SDK1: variants seen among roughly 807,000 people sequenced by gnomAD.
SDK1 encodes the protein protein sidekick-1.
A neutral mutation model predicts 245.5 loss-of-function variants in SDK1; 157 were observed. The observed-to-expected ratio is 0.64, with a 90% CI of 0.56 to 0.73. SDK1 has a LOEUF of 0.73. SDK1 is among the 30% of genes least tolerant of loss of function. The pLI is 0.00. For missense variants in SDK1, 3,583 were observed against 3,002.3 expected, an observed-to-expected ratio of 1.19 and a Z score of -4.52; for synonymous variants, 1,647 against 1,278.5, an observed-to-expected ratio of 1.29 and a Z score of -6.15.
intron 1 of SDK1, among the ~76,000 whole-genome samples, chr7:3,519,359 A>G (rs1428527737): frequency 6.6e-6 from 1 of 152,158 alleles, no homozygotes; most frequent in Non-Finnish European, 1.5e-5. Flanking sequence ...ATATATTGTA[A>G]TGTATCAAAA....
At chr7:4,030,678 A>G (rs1787741309) in intron 17 of SDK1, among the ~76,000 whole-genome samples, 1 of 152,210 alleles carries the variant, frequency 6.6e-6, no homozygotes, top group African/African-American at 2.4e-5. Flanking sequence ...TTTTAATTTC[A>G]TATAACAAAA....
chr7:3,849,456 C>T lies in SDK1; in HGVS notation c.847+27873C>T, dbSNP rs142042728. ...ATGGCAAGAAATTAGACTTCCTGGA[C>T]ATTTGTGGGAACATGGATTTATTAG... On this transcript the variant is annotated intron_variant, in intron 5 of 44. Transcript: ENST00000404826. Among the ~76,000 whole-genome samples, 15 of 152,260 alleles carry T rather than the reference C, an allele frequency of 9.9e-5. No homozygotes were observed. In the East Asian group the frequency reaches 2.9e-3, roughly 29 times the overall value.
chr7:3,614,439 C>A (rs1355276008), intron 1 of SDK1, among the ~76,000 whole-genome samples: 1 of 152,136 alleles, frequency 6.6e-6, no homozygotes, highest in Non-Finnish European at 1.5e-5. Flanking sequence ...ATATGTGGGC[C>A]ATTGGCTTTT....
chr7:3,346,363 T>C (rs573160304), intron 1 of SDK1, among the ~76,000 whole-genome samples: 11 of 152,258 alleles, frequency 7.2e-5, no homozygotes, highest in African/African-American at 2.2e-4. Flanking sequence ...AGGCTGTTCA[T>C]CTAGCTTCAC....
chr7:3,898,206 G>A (rs969845735), intron 5 of SDK1, among the ~76,000 whole-genome samples: 1 of 152,180 alleles, frequency 6.6e-6, no homozygotes, highest in Non-Finnish European at 1.5e-5. Context: ...GGTTATTTTT[G>A]GTTAGGGAGA....
At chr7:3,662,066 G>A (rs1583283466) in intron 4 of SDK1, among the ~76,000 whole-genome samples, 1 of 104,972 alleles carries the variant, frequency 9.5e-6, no homozygotes, top group African/African-American at 3.8e-5. Context: ...TTTTTTTTTG[G>A]TGTTCCCTTC....
At chr7:3,344,006 AAC>A (rs781093477) in intron 1 of SDK1, among the ~76,000 whole-genome samples, 1 of 142,776 alleles carries the variant, frequency 7.0e-6, no homozygotes, top group African/African-American at 2.9e-5. Context: ...ATAGTTGCTA[AAC>A]ACATACAACC....
At chr7:3,831,686 G>A (rs1779916071) in intron 5 of SDK1, among the ~76,000 whole-genome samples, 1 of 152,026 alleles carries the variant, frequency 6.6e-6, no homozygotes, top group African/African-American at 2.4e-5. Flanking sequence ...AAGGCTTATT[G>A]TAGTAATAGT....
rs112145807 is a variant in SDK1, at chr7:3,675,661, A to G, written c.713+33556A>G. 7.7e-3 allele frequency among the ~76,000 whole-genome samples: 1,170 copies of G among 151,842 alleles called. 26 individuals carry two copies. The highest frequency in any genetic ancestry group is 0.027 in the African/African-American group (1,118 of 41,400). On this transcript the variant is annotated intron_variant, in intron 4 of 44. Coordinates refer to ENST00000404826, the MANE Select transcript of SDK1 (RefSeq NM_152744.4). ...TGGTCATAGCTCACTGCGGCCTGGA[A>G]CTCCCGGTCTCAAGCCATCCACTTA...
At chr7:3,379,489 A>G (rs1010745958) in intron 1 of SDK1, among the ~76,000 whole-genome samples, 1 of 152,118 alleles carries the variant, frequency 6.6e-6, no homozygotes, top group Non-Finnish European at 1.5e-5. Flanking sequence ...AGCTTTGGAA[A>G]CAGGATGGGG....
intron 1 of SDK1, among the ~76,000 whole-genome samples, chr7:3,523,015 C>T (rs915075868): frequency 3.1e-5 from 1 of 32,458 alleles, no homozygotes; most frequent in South Asian, 2.8e-3. Context: ...TAATTTAATA[C>T]AAAATCGTAA....
intron 5 of SDK1, among the ~76,000 whole-genome samples, chr7:3,910,186 C>T (rs951473050): frequency 6.6e-6 from 1 of 152,200 alleles, no homozygotes; most frequent in African/African-American, 2.4e-5. Context: ...GCGCTTGGTG[C>T]CTCTGTTCTC....
At chr7:3,342,362 G>A (rs1562426370) in intron 1 of SDK1, among the ~76,000 whole-genome samples, 1 of 152,186 alleles carries the variant, frequency 6.6e-6, no homozygotes, top group Non-Finnish European at 1.5e-5. Flanking sequence ...GCCGAAGTGG[G>A]TGGATCACCT....
In SDK1 at chr7:3,654,810, A is replaced by G. The variant is rs534416867; in HGVS notation, c.713+12705A>G. Among the ~76,000 whole-genome samples the G allele has an allele frequency of 4.4e-4, 67 of 152,284 alleles. 1 individual carries two copies. In the East Asian group the frequency reaches 6.6e-3, roughly 15 times the overall value. ...TTAAATGACAGGAGTTTAATATTCT[A>G]TGTACCAATTTTTCACTGGAAATAA... On this transcript the variant is annotated intron_variant, in intron 4 of 44. Coordinates refer to ENST00000404826, the MANE Select transcript of SDK1 (RefSeq NM_152744.4).
At chr7:3,680,109 G>GGAAT (rs1280253155) in intron 4 of SDK1, among the ~76,000 whole-genome samples, 2 of 152,120 alleles carry the variant, frequency 1.3e-5, no homozygotes, top group African/African-American at 2.4e-5. Flanking sequence ...GGCAATAAAA[G>GGAAT]GAATGAATGA....
intron 30 of SDK1, among the ~76,000 whole-genome samples, chr7:4,157,801 C>T (rs1467261719): frequency 2.0e-5 from 3 of 152,142 alleles, no homozygotes; most frequent in African/African-American, 7.2e-5. Flanking sequence ...AGGGGTTGCA[C>T]TTGCCAAGCG....
chr7:3,365,798 C>T (rs574624283), intron 1 of SDK1, among the ~76,000 whole-genome samples: 6 of 147,266 alleles, frequency 4.1e-5, no homozygotes, highest in Non-Finnish European at 7.5e-5. Flanking sequence ...TTTGGGAGGC[C>T]GAGGTGGGTG....
At chr7:4,147,404 G>T (rs1469734686) in intron 29 of SDK1, among the ~76,000 whole-genome samples, 3 of 151,904 alleles carry the variant, frequency 2.0e-5, no homozygotes, top group Non-Finnish European at 4.4e-5. Context: ...AAGTGCTGGG[G>T]TTACAGGCAT....
At chr7:4,203,533 TAA>T (rs10541704) in intron 35 of SDK1, among the ~76,000 whole-genome samples, 37,160 of 148,608 alleles carry the variant, frequency 0.25, 4,908 homozygotes, top group African/African-American at 0.35. Context: ...ATTTTTTTTT[TAA>T]AAAAAAAAAG....
Sources: allele counts gnomAD v4.1 joint callset (sites outside exome capture counted in the v4.1 genomes callset), GRCh38; gene constraint gnomAD v4.1.1; transcripts MANE v1.5; gene names NCBI Gene and HGNC (gene_info 2026-07-23, HGNC 2026-07-21).